Variants in CTNNA3 observed in about 807,000 individuals in gnomAD.
CTNNA3 encodes catenin alpha 3, also known as catenin alpha-3.
CTNNA3 carries 76 observed loss-of-function variants against 95.7 expected under a neutral mutation model. The ratio of observed to expected loss-of-function variants is 0.79; its 90% CI spans 0.66 to 0.96. The LOEUF is 0.96. Ranked by LOEUF, CTNNA3 falls within the 40% of genes least tolerant of loss-of-function variation. The probability of loss-of-function intolerance (pLI) is 0.00; values close to 1 mark genes in which losing one functional copy is unlikely to be tolerated. For missense variants in CTNNA3, 1,191 were observed against 1,089.8 expected, an observed-to-expected ratio of 1.09 and a Z score of -1.31; for synonymous variants, 431 against 374.4, an observed-to-expected ratio of 1.15 and a Z score of -1.74.
chr10:67,551,341 G>A (rs997621335), intron 3 of CTNNA3, among the ~76,000 whole-genome samples: 1 of 152,074 alleles, frequency 6.6e-6, no homozygotes, highest in Non-Finnish European at 1.5e-5. Context: ...GTTTTACTGG[G>A]CAGTCGGAGA....
At chr10:66,474,521 A>G (rs561378953) in intron 11 of CTNNA3, among the ~76,000 whole-genome samples, 50 of 152,148 alleles carry the variant, frequency 3.3e-4, no homozygotes, top group South Asian at 1.4e-3. Flanking sequence ...GGGAGTGCAG[A>G]TATCTTTAAC....
intron 6 of CTNNA3, among the ~76,000 whole-genome samples, chr10:67,193,415 T>C (rs1863209390): frequency 6.6e-6 from 1 of 152,122 alleles, no homozygotes; most frequent in African/African-American, 2.4e-5. Context: ...ACTTGTGTCA[T>C]GAGGGTTTGT....
intron 12 of CTNNA3, among the ~76,000 whole-genome samples, chr10:66,314,293 A>G (rs1227718970): frequency 1.3e-5 from 2 of 152,232 alleles, no homozygotes; most frequent in Non-Finnish European, 2.9e-5. Flanking sequence ...TGATGCCATG[A>G]TGAAATAAGG....
At chr10:66,179,722 G>A (rs960371059) in intron 13 of CTNNA3, among the ~76,000 whole-genome samples, 3 of 151,572 alleles carry the variant, frequency 2.0e-5, no homozygotes, top group Admixed American at 6.6e-5. Context: ...GTTTTTCTAC[G>A]GGAAACTTAT....
intron 11 of CTNNA3, among the ~76,000 whole-genome samples, chr10:66,428,943 C>A (rs1406758550): frequency 6.6e-6 from 1 of 151,718 alleles, no homozygotes; most frequent in Admixed American, 6.6e-5. Flanking sequence ...AAAAACCCTT[C>A]AAAAAATCAA....
intron 5 of CTNNA3, among the ~76,000 whole-genome samples, chr10:67,442,091 G>A (rs1846539641): frequency 6.6e-6 from 1 of 152,088 alleles, no homozygotes; most frequent in Non-Finnish European, 1.5e-5. Context: ...TTAAAGTGTA[G>A]AGTTTTTATT....
intron 12 of CTNNA3, among the ~76,000 whole-genome samples, chr10:66,306,473 G>C (rs1456570993): frequency 6.6e-6 from 1 of 152,078 alleles, no homozygotes; most frequent in Admixed American, 6.5e-5. Context: ...AGCACAGAAG[G>C]GCTTAGTGAA....
At chr10:65,943,068 C>CTTTT (rs749513883) in intron 17 of CTNNA3, among the ~76,000 whole-genome samples, 1 of 142,140 alleles carries the variant, frequency 7.0e-6, no homozygotes, top group South Asian at 2.2e-4. Flanking sequence ...TTTTCTTTTT[C>CTTTT]TTTTTTTTTT....
intron 7 of CTNNA3, among the ~76,000 whole-genome samples, chr10:66,900,658 A>T (rs1316455780): frequency 6.6e-6 from 1 of 152,182 alleles, no homozygotes; most frequent in Non-Finnish European, 1.5e-5. Flanking sequence ...GCTAACTAGA[A>T]TAAACAGTGT....
At chr10:65,966,533 G>T (rs1190059682) in intron 17 of CTNNA3, 79 bp downstream of exon 17, 12 of 1,179,776 alleles carry the variant, frequency 1.0e-5, no homozygotes, top group Middle Eastern at 2.1e-4. Flanking sequence ...TAAAAGATTT[G>T]GTCATGTAAA....
intron 9 of CTNNA3, among the ~76,000 whole-genome samples, chr10:66,746,215 A>T (rs1482974140): frequency 6.6e-6 from 1 of 152,144 alleles, no homozygotes; most frequent in African/African-American, 2.4e-5. Context: ...AATACTAGAT[A>T]ATATTAGGAA....
chr10:67,246,144 A>T (rs893035348), intron 5 of CTNNA3, among the ~76,000 whole-genome samples: 4 of 152,228 alleles, frequency 2.6e-5, no homozygotes, highest in African/African-American at 9.6e-5. Flanking sequence ...TTTAAAATCC[A>T]GATCCCTAAT....
At chr10:66,713,433 T>C (rs1404223257) in intron 9 of CTNNA3, among the ~76,000 whole-genome samples, 4 of 152,090 alleles carry the variant, frequency 2.6e-5, no homozygotes, top group Non-Finnish European at 5.9e-5. Flanking sequence ...TGGCAGGCCT[T>C]TTTTTGTTGT....
intron 13 of CTNNA3, among the ~76,000 whole-genome samples, chr10:66,274,162 A>G (rs1159682975): frequency 3.3e-5 from 5 of 152,176 alleles, no homozygotes; most frequent in Non-Finnish European, 7.3e-5. Flanking sequence ...TAGTCTCCTC[A>G]TAACTCCTCA....
chr10:66,108,612 T>G (rs34125811), intron 13 of CTNNA3, among the ~76,000 whole-genome samples: 2 of 152,108 alleles, frequency 1.3e-5, no homozygotes, highest in African/African-American at 4.8e-5. Context: ...ATTTTTTTCC[T>G]TTTTTTGGCA....
chr10:67,661,689 T>C (rs1840194568), intron 1 of CTNNA3, among the ~76,000 whole-genome samples: 1 of 151,432 alleles, frequency 6.6e-6, no homozygotes. Flanking sequence ...AATAATTAAA[T>C]GAAAAACAAC....
At chr10:67,037,516 A>G (rs1371240648) in intron 7 of CTNNA3, among the ~76,000 whole-genome samples, 1 of 152,160 alleles carries the variant, frequency 6.6e-6, no homozygotes, top group Non-Finnish European at 1.5e-5. Flanking sequence ...TAGGTAGAGG[A>G]GTGATCATCA....
chr10:66,951,223 C>A (rs931851615), intron 7 of CTNNA3, among the ~76,000 whole-genome samples: 3 of 151,714 alleles, frequency 2.0e-5, no homozygotes, highest in Admixed American at 6.6e-5. Flanking sequence ...TCAAGCGATT[C>A]TCCTGCCTCA....
At chr10:67,279,814 T>G (rs1238222048) in intron 5 of CTNNA3, among the ~76,000 whole-genome samples, 1 of 150,188 alleles carries the variant, frequency 6.7e-6, no homozygotes, top group African/African-American at 2.5e-5. Context: ...TCAAGGCTTT[T>G]GACTCAGTGC....
Sources: allele counts gnomAD v4.1 joint callset (sites outside exome capture counted in the v4.1 genomes callset), GRCh38; gene constraint gnomAD v4.1.1; transcripts MANE v1.5; gene names NCBI Gene and HGNC (gene_info 2026-07-23, HGNC 2026-07-21).